The following STK10 variants were observed in gnomAD, a reference collection of about 807,000 sequenced individuals.
STK10 encodes serine/threonine kinase 10, also known as serine/threonine-protein kinase 10.
STK10 carries 78 observed loss-of-function variants against 113.8 expected under a neutral mutation model. That is an observed-to-expected ratio of 0.69 (90% CI 0.57 to 0.83). The LOEUF is 0.83. STK10 is among the 40% of genes least tolerant of loss of function. The probability of loss-of-function intolerance (pLI) is 0.00; values close to 1 mark genes in which losing one functional copy is unlikely to be tolerated. For missense variants in STK10, 1,109 were observed against 1,280.1 expected (o/e 0.87, Z 2.04); for synonymous variants, 465 against 494.7 (o/e 0.94, Z 0.80).
Position 172,093,823 on chromosome 5 carries a change from C to T in STK10, c.1143G>A (p.Gln381=). Residue 381 remains glutamine (Q), a synonymous_variant, in exon 9 of 19, where the codon CAG becomes CAA. Transcript: ENST00000176763. This position sits in a 1 kb window ranked among gnomAD's most constrained non-coding sequence, Gnocchi z 4.1. ...TTTGGAGGGATCTGTCCCCAGAGGG[C>T]TGGCTGCAGGGCTCATTCACACTGT... The part of the protein sequence containing the change: ...SQDSVNEPCS[Q]PSGDRSLQTT... The T allele has an allele frequency of 6.2e-7, 1 of 1,604,604 alleles. No individual in the cohort carries two copies. Among genetic ancestry groups the T allele is most frequent in the Non-Finnish European group, 8.5e-7 (1 of 1,173,428 alleles).
At chr5:172,073,613 T>A (rs72841764) in intron 12 of STK10, among the ~76,000 whole-genome samples, 4,682 of 151,954 alleles carry the variant, frequency 0.031, 89 homozygotes, top group African/African-American at 0.05. Flanking sequence ...TGATTTTTTT[T>A]AAAAAGTATG....
chr5:172,093,978 T>G lies in STK10; in HGVS notation c.1006-18A>C, dbSNP rs555132690. 6.5e-6 allele frequency: 9 copies of G among 1,387,308 alleles called. 1 individual carries two copies. The highest frequency in any genetic ancestry group is 8.5e-6 in the Non-Finnish European group (9 of 1,063,954). The allele number at this position is 1,387,308 out of a possible 1,614,324, so 85.9% of individuals were successfully genotyped here. A position where few individuals can be genotyped will look rare whatever the true frequency, so the allele number is the denominator to read the frequency against. ...TCCAGGGTCTAGAAAAATATATATA[T>G]ATATATTAAAGGCCATGCTGCTGTA... On this transcript the variant is annotated intron_variant, in intron 8 of 18. Transcript: ENST00000176763. The surrounding 1 kb of genome is among the most constrained non-coding windows in gnomAD (Gnocchi z 4.1).
chr5:172,174,912 C>T (rs1053500508), intron 1 of STK10, among the ~76,000 whole-genome samples: 4 of 152,244 alleles, frequency 2.6e-5, no homozygotes, highest in Admixed American at 1.3e-4. Flanking sequence ...ACTCTTCAGT[C>T]ACCAGTGCAT....
In STK10 at chr5:172,120,504, G is replaced by A. The variant is rs1769488605; in HGVS notation, c.371-2874C>T. 6.6e-6 allele frequency among the ~76,000 whole-genome samples: 1 copy of A among 152,158 alleles called. No homozygotes were observed. Among genetic ancestry groups the A allele is most frequent in the Admixed American group, 6.5e-5 (1 of 15,284 alleles). On this transcript the variant is annotated intron_variant, in intron 3 of 18. Coordinates refer to ENST00000176763, the MANE Select transcript of STK10 (RefSeq NM_005990.4). The surrounding 1 kb of genome is among the most constrained non-coding windows in gnomAD (Gnocchi z 4.0). ...CCTGAACCTCTGTGTCTCCAGCCAGGGGCCAGGATCAGAGCCTGCATGGGC... is the reference window on the plus strand; with the variant it reads ...CCTGAACCTCTGTGTCTCCAGCCAGAGGCCAGGATCAGAGCCTGCATGGGC...
intron 2 of STK10, among the ~76,000 whole-genome samples, chr5:172,151,799 C>T (rs1770239734): frequency 6.6e-6 from 1 of 152,232 alleles, no homozygotes; most frequent in African/African-American, 2.4e-5. Context: ...TGGGGCCTTC[C>T]ACTTAGTAGC....
chr5:172,064,562 G>A, intron 13 of STK10, 158 bp downstream of exon 13: 2 of 694,190 alleles, frequency 2.9e-6, no homozygotes, highest in Non-Finnish European at 5.0e-6. Context: ...GCTGCATGGA[G>A]GAGGGGATAA....
intron 12 of STK10, among the ~76,000 whole-genome samples, chr5:172,076,010 T>C (rs1027588644): frequency 6.9e-5 from 10 of 145,342 alleles, no homozygotes; most frequent in Non-Finnish European, 1.2e-4. Context: ...AATTCTTGGA[T>C]TTATTTTTTT....
intron 2 of STK10, 27 bp downstream of exon 2, chr5:172,156,597 C>T (rs780457694): frequency 1.2e-6 from 2 of 1,602,084 alleles, no homozygotes; most frequent in Non-Finnish European, 1.7e-6. Context: ...GGGGGCTGAG[C>T]TGGGACAGAC....
intron 1 of STK10, among the ~76,000 whole-genome samples, chr5:172,167,915 T>A (rs1688143699): frequency 6.6e-6 from 1 of 152,094 alleles, no homozygotes; most frequent in East Asian, 1.9e-4. Flanking sequence ...TTCTGAAACA[T>A]GGGTTTCTTT....
chr5:172,127,577 C>T (rs920389178), intron 2 of STK10, among the ~76,000 whole-genome samples, 156 bp from the exon 3 acceptor site: 16 of 152,210 alleles, frequency 1.1e-4, no homozygotes, highest in Admixed American at 8.5e-4. Context: ...GCCCGTCCCC[C>T]TCCCCCAGTG....
At chr5:172,180,188 G>A (rs920898774) in intron 1 of STK10, among the ~76,000 whole-genome samples, 3 of 152,268 alleles carry the variant, frequency 2.0e-5, no homozygotes, top group African/African-American at 7.2e-5. Flanking sequence ...CCTAGGCCGG[G>A]CGTGGTGGCT....
chr5:172,084,534 C>G (rs1008428217), intron 10 of STK10, among the ~76,000 whole-genome samples: 1 of 152,026 alleles, frequency 6.6e-6, no homozygotes, highest in Non-Finnish European at 1.5e-5. Context: ...AACAATGTCT[C>G]TGTACACACA....
intron 10 of STK10, among the ~76,000 whole-genome samples, chr5:172,087,361 G>A (rs1399144373): frequency 1.3e-5 from 2 of 151,494 alleles, no homozygotes; most frequent in South Asian, 2.1e-4. Flanking sequence ...TGCAACCTCC[G>A]CCTCCTGGGT....
chr5:172,097,452 C>T (rs1448359923), intron 7 of STK10, among the ~76,000 whole-genome samples: 1 of 152,248 alleles, frequency 6.6e-6, no homozygotes, highest in African/African-American at 2.4e-5. Flanking sequence ...CAACCCCACT[C>T]CCACGCCGCC....
At position 172,113,263 on chromosome 5, in the gene STK10, G is replaced by A. The variant is rs145056181; in HGVS notation, c.520+4218C>T. Among the ~76,000 whole-genome samples the A allele has an allele frequency of 1.2e-3, 183 of 152,194 alleles. 1 individual carries two copies. Among genetic ancestry groups the A allele is most frequent in the African/African-American group, 4.1e-3 (172 of 41,500 alleles). ...TATGACCAGCACGGAGGGCATGCCGGCTGCAGGATGAACAAAACCCCAACT... is the reference window on the plus strand; with the variant it reads ...TATGACCAGCACGGAGGGCATGCCGACTGCAGGATGAACAAAACCCCAACT... On this transcript the variant is annotated intron_variant, in intron 4 of 18. Transcript: ENST00000176763.
chr5:172,114,196 G>A (rs1769311547), intron 4 of STK10, among the ~76,000 whole-genome samples: 1 of 151,784 alleles, frequency 6.6e-6, no homozygotes, highest in South Asian at 2.1e-4. Context: ...AGCCCACGGA[G>A]AGTGGTGGTT....
intron 2 of STK10, among the ~76,000 whole-genome samples, chr5:172,151,288 G>A (rs1007307184): frequency 3.3e-5 from 5 of 152,074 alleles, no homozygotes; most frequent in Non-Finnish European, 7.4e-5. Flanking sequence ...GCAGGAGACG[G>A]ATTGCGAACC....
At chr5:172,077,495 T>C (rs547659538) in intron 12 of STK10, among the ~76,000 whole-genome samples, 1 of 152,324 alleles carries the variant, frequency 6.6e-6, no homozygotes, top group South Asian at 2.1e-4. Flanking sequence ...TAGCAGACCA[T>C]CAAGTCCCTT....
At chr5:172,180,645 C>CA (rs59448135) in intron 1 of STK10, among the ~76,000 whole-genome samples, 163 of 142,670 alleles carry the variant, frequency 1.1e-3, no homozygotes, top group South Asian at 2.7e-3. Context: ...ACAACAACAA[C>CA]AAAAAAAAAA....
Sources: allele counts gnomAD v4.1 joint callset (sites outside exome capture counted in the v4.1 genomes callset), GRCh38; gene constraint gnomAD v4.1.1; non-coding constraint Gnocchi (gnomAD v3.1); transcripts MANE v1.5; gene names NCBI Gene and HGNC (gene_info 2026-07-23, HGNC 2026-07-21).